PUS7L: variants seen among roughly 807,000 people sequenced by gnomAD.
PUS7L encodes pseudouridine synthase 7 like, also known as pseudouridylate synthase PUS7L.
A neutral mutation model predicts 51.1 loss-of-function variants in PUS7L; 49 were observed. The ratio of observed to expected loss-of-function variants is 0.96; its 90% CI spans 0.76 to 1.22. The LOEUF (loss-of-function observed/expected upper bound fraction) is 1.22, where lower values mean the gene tolerates loss of function less well. Ranked by LOEUF, PUS7L falls within the 50% of genes most tolerant of loss-of-function variation. The pLI is 0.00. For missense variants in PUS7L, 828 were observed against 820.6 expected, an observed-to-expected ratio of 1.01 and a Z score of -0.11; for synonymous variants, 277 against 276.2, an observed-to-expected ratio of 1.00 and a Z score of -0.03.
chr12:43,758,600 C>T (rs1938996763), intron 1 of PUS7L, 130 bp downstream of exon 1: 1 of 983,430 alleles, frequency 1.0e-6, no homozygotes, highest in Non-Finnish European at 1.2e-6. Context: ...GACACTAGTC[C>T]ACGTCACCTT....
At chr12:43,745,999 G>A (rs1350445427) in intron 4 of PUS7L, 47 bp downstream of exon 4, 1 of 839,438 alleles carries the variant, frequency 1.2e-6, no homozygotes, top group Non-Finnish European at 1.9e-6. Flanking sequence ...TAGAGAAAGA[G>A]ACAATGAAGA....
At chr12:43,738,015 C>A (rs183955167) in intron 6 of PUS7L, 69 of 262,380 alleles carry the variant, frequency 2.6e-4, no homozygotes, top group African/African-American at 1.5e-3. Context: ...GTCATCAGTG[C>A]CAGATTCGAA....
rs1944365070 is a variant in PUS7L, at chr12:43,719,045, T to C, written c.*11331A>G. 1.3e-5 allele frequency: 2 copies of C among 151,536 alleles called. No individual in the cohort carries two copies. Among genetic ancestry groups the C allele is most frequent in the African/African-American group, 2.4e-5 (1 of 41,254 alleles). The allele number at this position is 151,536 out of a possible 1,614,324, so 9.4% of individuals were successfully genotyped here. A position where few individuals can be genotyped will look rare whatever the true frequency, so the allele number is the denominator to read the frequency against. On this transcript the variant is annotated 3_prime_UTR_variant, in exon 9 of 9. Transcript: ENST00000344862. ...CTAAAAAATTTGATACATAACAATA[T>C]AAAAGTCCTTAAAATTTATTGAAAG...
rs1944509151 is a variant in PUS7L at position 43,729,841 on chromosome 12, G to C, written c.*535C>G. On this transcript the variant is annotated 3_prime_UTR_variant, in exon 9 of 9. Transcript: ENST00000344862. ...CAAAGATTACTTATCTCACAAAGAG[G>C]TAATAACTACTCTGGGGTATCTATC... 1 of 152,872 alleles carries C rather than the reference G, an allele frequency of 6.5e-6. No homozygotes were observed. Among genetic ancestry groups the C allele is most frequent in the South Asian group, 2.1e-4 (1 of 4,858 alleles). 9.5% of individuals were successfully genotyped at this position (152,872 alleles called of 1,614,324 possible). A position where few individuals can be genotyped will look rare whatever the true frequency, so the allele number is the denominator to read the frequency against.
chr12:43,741,274 C>T (rs760535447), intron 5 of PUS7L, among the ~76,000 whole-genome samples: 5 of 152,216 alleles, frequency 3.3e-5, no homozygotes, highest in African/African-American at 9.6e-5. Flanking sequence ...TGCTGGACTA[C>T]AAGTCCCTTA....
At chr12:43,753,179 T>A (rs771973686) in intron 2 of PUS7L, among the ~76,000 whole-genome samples, 11 of 152,204 alleles carry the variant, frequency 7.2e-5, no homozygotes, top group Non-Finnish European at 1.3e-4. Flanking sequence ...TAACACTTAC[T>A]ATATGCCTAA....
intron 7 of PUS7L, among the ~76,000 whole-genome samples, chr12:43,732,939 C>T (rs1459841945): frequency 6.6e-6 from 1 of 152,062 alleles, no homozygotes; most frequent in Non-Finnish European, 1.5e-5. Context: ...CATTTCTAGC[C>T]TTTTTTCTTT....
rs1192205006 is a variant in PUS7L at position 43,726,332 on chromosome 12, G to C, written c.*4044C>G. ...TTTAATAAATGGTGCTGGGATAACT[G>C]GTTAGCCACATCCTGAGGATTGAAA... is the stretch of plus-strand genomic sequence containing the variant. On this transcript the variant is annotated 3_prime_UTR_variant, in exon 9 of 9. Coordinates refer to ENST00000344862, the MANE Select transcript of PUS7L (RefSeq NM_031292.5). The C allele has an allele frequency of 2.0e-5, 3 of 152,104 alleles. No homozygotes were observed. Among genetic ancestry groups the C allele is most frequent in the Non-Finnish European group, 4.4e-5 (3 of 68,014 alleles). 9.4% of individuals were successfully genotyped at this position (152,104 alleles called of 1,614,324 possible). A position where few individuals can be genotyped will look rare whatever the true frequency, so the allele number is the denominator to read the frequency against.
chr12:43,736,596 C>T lies in PUS7L; in HGVS notation c.1510G>A (p.Ala504Thr), dbSNP rs146223134. Residue 504 changes from alanine to threonine, a missense_variant, in exon 7 of 9, where the codon GCA becomes ACA. Transcript: ENST00000344862. Reference protein sequence around the residue: ...FKVRERALLEALHRFGMTEEG... With the variant: ...FKVRERALLETLHRFGMTEEG... ...TCGGTCATGCCAAAGCGGTGCAATG[C>T]CTCCAACAATGCTCTCTCACGCACT... 8 of 1,613,996 alleles carry T rather than the reference C, an allele frequency of 5.0e-6. No homozygotes were observed. In the African/African-American group the frequency reaches 1.1e-4, roughly 22 times the overall value.
intron 7 of PUS7L, among the ~76,000 whole-genome samples, chr12:43,732,480 G>A (rs1944581232): frequency 6.6e-6 from 1 of 151,932 alleles, no homozygotes; most frequent in South Asian, 2.1e-4. Context: ...AATTTAAAGA[G>A]GTGGTATTTC....
At chr12:43,748,659 C>T in intron 2 of PUS7L, 50 bp from the exon 3 acceptor site, 1 of 1,355,344 alleles carries the variant, frequency 7.4e-7, no homozygotes, top group South Asian at 1.4e-5. Context: ...TACCATACAT[C>T]AATTACATTC....
intron 2 of PUS7L, among the ~76,000 whole-genome samples, chr12:43,751,070 C>T (rs1470097037): frequency 6.6e-6 from 1 of 152,040 alleles, no homozygotes; most frequent in East Asian, 1.9e-4. Flanking sequence ...TCATTTATCT[C>T]CTGTAGTTTC....
At chr12:43,730,772 AC>A (rs1944535111) in intron 8 of PUS7L, 70 bp from the exon 9 acceptor site, 1 of 990,976 alleles carries the variant, frequency 1.0e-6, no homozygotes, top group Non-Finnish European at 1.5e-6. Context: ...TTTTTAATGT[AC>A]TTTTATGACT....
intron 3 of PUS7L, among the ~76,000 whole-genome samples, chr12:43,747,471 A>G (rs994026610): frequency 1.6e-4 from 25 of 152,238 alleles, no homozygotes; most frequent in Non-Finnish European, 3.4e-4. Context: ...AGGCGGGTGG[A>G]TCATCTGAAG....
At chr12:43,730,808 C>A in intron 8 of PUS7L, 106 bp from the exon 9 acceptor site, 1 of 698,200 alleles carries the variant, frequency 1.4e-6, no homozygotes, top group Admixed American at 2.9e-5. Flanking sequence ...TAAAAATAGT[C>A]TCAGAATATA....
At position 43,748,616 on chromosome 12, in the gene PUS7L, C is replaced by CAA; in HGVS notation, c.911-9_911-8dup. ...TCCTTTCGTAGGGTAAAAGCTGAAA[C>CAA]AAAAAAAAAACTTAGATCACAAAAA... On this transcript the variant is annotated splice_region_variant and splice_polypyrimidine_tract_variant and intron_variant, in intron 2 of 8. Transcript: ENST00000344862. The CAA allele has an allele frequency of 2.2e-5, 31 of 1,403,678 alleles. No individual in the cohort carries two copies. Among genetic ancestry groups the CAA allele is most frequent in the Admixed American group, 9.7e-5 (4 of 41,170 alleles). 87.0% of individuals were successfully genotyped at this position (1,403,678 alleles called of 1,614,324 possible).
chr12:43,742,416 T>C (rs761527861), intron 5 of PUS7L, 41 bp downstream of exon 5: 12 of 1,409,198 alleles, frequency 8.5e-6, no homozygotes, highest in South Asian at 2.4e-5. Context: ...GTAAGTATAA[T>C]TGACAGAAAC....
chr12:43,727,542 T>G lies in PUS7L; in HGVS notation c.*2834A>C, dbSNP rs1169696987. ...AATAATGTCTTTCCAGCAACATGGA[T>G]GTAGCTGGAGGCCATTATTGTAAGC... On this transcript the variant is annotated 3_prime_UTR_variant, in exon 9 of 9. Transcript: ENST00000344862. 6.6e-6 allele frequency: 1 copy of G among 152,130 alleles called. No individual in the cohort carries two copies. The highest frequency in any genetic ancestry group is 1.5e-5 in the Non-Finnish European group (1 of 68,020). 9.4% of individuals were successfully genotyped at this position (152,130 alleles called of 1,614,324 possible).
At position 43,728,316 on chromosome 12, in the gene PUS7L, T is replaced by A. The variant is rs1312789566; in HGVS notation, c.*2060A>T. ...ACTGCTGAAGTATTTACTAAATAAATCAATAAATGTCTAAAATTATAGTGC... is the reference window on the plus strand; with the variant it reads ...ACTGCTGAAGTATTTACTAAATAAAACAATAAATGTCTAAAATTATAGTGC... On this transcript the variant is annotated 3_prime_UTR_variant, in exon 9 of 9. Coordinates refer to ENST00000344862, the MANE Select transcript of PUS7L (RefSeq NM_031292.5). 1.3e-5 allele frequency: 2 copies of A among 152,100 alleles called. No homozygotes were observed. Among genetic ancestry groups the A allele is most frequent in the African/African-American group, 4.8e-5 (2 of 41,426 alleles). The allele number at this position is 152,100 out of a possible 1,614,324, so 9.4% of individuals were successfully genotyped here. A position where few individuals can be genotyped will look rare whatever the true frequency, so the allele number is the denominator to read the frequency against.
Sources: allele counts gnomAD v4.1 joint callset (sites outside exome capture counted in the v4.1 genomes callset), GRCh38; gene constraint gnomAD v4.1.1; transcripts MANE v1.5; gene names NCBI Gene and HGNC (gene_info 2026-07-23, HGNC 2026-07-21).